Variants in CSNK2A2IP observed in about 807,000 individuals in gnomAD.
CSNK2A2IP encodes the protein casein kinase 2 subunit alpha' interacting protein, also known as casein kinase II subunit alpha'-interacting protein.
At chr3:88,452,043 A>G in the CSNK2A2IP span, among the ~76,000 whole-genome samples, 2 of 152,094 alleles carry the variant, frequency 1.3e-5, no homozygotes, top group African/African-American at 4.8e-5. Flanking sequence ...AATATTCTCT[A>G]AAAAGTGGTG....
chr3:88,411,802 C>T, the CSNK2A2IP span, among the ~76,000 whole-genome samples: 1 of 150,956 alleles, frequency 6.6e-6, no homozygotes, highest in East Asian at 1.9e-4. Flanking sequence ...ATATTATAAA[C>T]ATGTGAAATA....
chr3:88,397,215 T>C, the CSNK2A2IP span, among the ~76,000 whole-genome samples: 2 of 152,318 alleles, frequency 1.3e-5, no homozygotes, highest in Admixed American at 6.5e-5. Context: ...AGGGCCACTC[T>C]CAATTCTTGT....
the CSNK2A2IP span, among the ~76,000 whole-genome samples, chr3:88,415,571 T>C: frequency 2.6e-4 from 40 of 151,678 alleles, no homozygotes; most frequent in African/African-American, 6.8e-4. Context: ...AAGGGTACTA[T>C]GATTGTTAAA....
the CSNK2A2IP span, among the ~76,000 whole-genome samples, chr3:88,384,137 G>A: frequency 6.6e-6 from 1 of 151,968 alleles, no homozygotes; most frequent in African/African-American, 2.4e-5. Context: ...GGTATACTAT[G>A]GTAAATAAGA....
At chr3:88,412,850 A>T in the CSNK2A2IP span, among the ~76,000 whole-genome samples, 1 of 152,064 alleles carries the variant, frequency 6.6e-6, no homozygotes, top group Non-Finnish European at 1.5e-5. Flanking sequence ...GAAAAGATAC[A>T]GTAAAAATAC....
chr3:88,340,533 T>C, the CSNK2A2IP span, among the ~76,000 whole-genome samples: 1 of 151,948 alleles, frequency 6.6e-6, no homozygotes, highest in Non-Finnish European at 1.5e-5. Flanking sequence ...CCCCTGTCAT[T>C]GTGTTCTTCT....
chr3:88,354,855 T>G, the CSNK2A2IP span, among the ~76,000 whole-genome samples: 1 of 152,184 alleles, frequency 6.6e-6, no homozygotes, highest in African/African-American at 2.4e-5. Context: ...AGGATGTGTG[T>G]AACTTCACAA....
chr3:88,446,030 T>TTTTCTCTTTCTTTCTTTC, the CSNK2A2IP span, among the ~76,000 whole-genome samples: 19 of 58,092 alleles, frequency 3.3e-4, 2 homozygotes, highest in Admixed American at 9.7e-4. Context: ...TCTTTGTTTC[T>TTTTCTCTTTCTTTCTTTC]TTTCTTTCTT....
At chr3:88,431,938 A>G in the CSNK2A2IP span, among the ~76,000 whole-genome samples, 1 of 152,162 alleles carries the variant, frequency 6.6e-6, no homozygotes, top group African/African-American at 2.4e-5. Context: ...GATTTATAAT[A>G]GATAAGGCTC....
the CSNK2A2IP span, among the ~76,000 whole-genome samples, chr3:88,421,808 C>T: frequency 2.0e-5 from 3 of 152,180 alleles, no homozygotes; most frequent in East Asian, 5.8e-4. Flanking sequence ...GCACAGCTCC[C>T]AAAAGCCATC....
the CSNK2A2IP span, among the ~76,000 whole-genome samples, chr3:88,448,794 G>A: frequency 2.0e-5 from 3 of 152,170 alleles, no homozygotes; most frequent in Non-Finnish European, 4.4e-5. Flanking sequence ...CAAATCAAAT[G>A]ACATGAAATA....
At chr3:88,370,590 T>TTCTTTCTTTCTCTCTCTCTCTC in the CSNK2A2IP span, among the ~76,000 whole-genome samples, 1 of 132,626 alleles carries the variant, frequency 7.5e-6, no homozygotes, top group African/African-American at 2.6e-5. Context: ...CTCTCTCTCT[T>TTCTTTCTTTCTCTCTCTCTCTC]TCTTTCTTTC....
the CSNK2A2IP span, among the ~76,000 whole-genome samples, chr3:88,374,257 G>GCTGT: frequency 6.6e-6 from 1 of 151,676 alleles, no homozygotes; most frequent in Non-Finnish European, 1.5e-5. Flanking sequence ...TGGAGGAAGA[G>GCTGT]CTGTATATTT....
the CSNK2A2IP span, among the ~76,000 whole-genome samples, chr3:88,409,545 T>TTTTTTTTTTTTTTTTTTTTTTTGAGACAG: frequency 6.6e-6 from 1 of 152,076 alleles, no homozygotes; most frequent in African/African-American, 2.4e-5. Flanking sequence ...GAATATTTTT[T>TTTTTTTTTTTTTTTTTTTTTTTGAGACAG]CTTAATTCTC....
the CSNK2A2IP span, among the ~76,000 whole-genome samples, chr3:88,349,836 G>A: frequency 8.6e-5 from 13 of 152,016 alleles, no homozygotes; most frequent in East Asian, 1.9e-4. Context: ...AGCCATTCTC[G>A]CAGGAGTAAA....
At chr3:88,379,098 G>A in the CSNK2A2IP span, among the ~76,000 whole-genome samples, 10 of 150,990 alleles carry the variant, frequency 6.6e-5, no homozygotes, top group African/African-American at 2.2e-4. Flanking sequence ...AATGATCTTC[G>A]CTCCAAAGTC....
chr3:88,435,471 C>T, the CSNK2A2IP span, among the ~76,000 whole-genome samples: 1 of 152,094 alleles, frequency 6.6e-6, no homozygotes, highest in Non-Finnish European at 1.5e-5. Context: ...TCTATATGAT[C>T]TTCTAAGAAC....
chr3:88,443,822 T>A, the CSNK2A2IP span, among the ~76,000 whole-genome samples: 1 of 152,176 alleles, frequency 6.6e-6, no homozygotes, highest in Non-Finnish European at 1.5e-5. Context: ...TTATCATTAT[T>A]ATTTTGATAT....
the CSNK2A2IP span, among the ~76,000 whole-genome samples, chr3:88,419,341 A>G: frequency 6.6e-6 from 1 of 152,130 alleles, no homozygotes; most frequent in Non-Finnish European, 1.5e-5. Context: ...GCTCCCACTT[A>G]TGAGAACATG....
Sources: allele counts gnomAD v4.1 joint callset (sites outside exome capture counted in the v4.1 genomes callset), GRCh38; gene constraint gnomAD v4.1.1; transcripts MANE v1.5; gene names NCBI Gene and HGNC (gene_info 2026-07-23, HGNC 2026-07-21).